The following CRHR2 variants were observed in gnomAD, a reference collection of about 807,000 sequenced individuals.
CRHR2 encodes the protein corticotropin-releasing hormone receptor 2.
Under a neutral mutation model 57.9 loss-of-function variants are expected in CRHR2, and 53 were observed. The observed-to-expected ratio is 0.92, with a 90% CI of 0.73 to 1.15. CRHR2 has a LOEUF of 1.15. Among genes scored for constraint, CRHR2 ranks in the 50% most tolerant of loss-of-function variants. The pLI is 0.00. For missense variants in CRHR2, 532 were observed against 542.6 expected, an observed-to-expected ratio of 0.98 and a Z score of 0.19; for synonymous variants, 213 against 220.9, an observed-to-expected ratio of 0.96 and a Z score of 0.32.
Position 30,667,402 on chromosome 7 carries a change from C to A in CRHR2, c.230-89G>T, listed in dbSNP as rs941877160. 5 of 1,011,658 alleles carry A rather than the reference C, an allele frequency of 4.9e-6. No homozygotes were observed. The East Asian group carries it at 1.2e-4, about 24-fold the overall frequency. 62.7% of individuals were successfully genotyped at this position (1,011,658 alleles called of 1,614,324 possible). ...CCTGGTGCCCACAGGATAAGGTGTA[C>A]GCACCTCAGCTCTCCTAGGGCAGCA... On this transcript the variant is annotated intron_variant, in intron 2 of 11. Transcript: ENST00000471646.
At chr7:30,671,843 AATGATG>A (rs769616381) in intron 2 of CRHR2, among the ~76,000 whole-genome samples, 1 of 100,750 alleles carries the variant, frequency 9.9e-6, no homozygotes, top group African/African-American at 3.4e-5. Flanking sequence ...TGATGATGAT[AATGATG>A]ATGATGATAG....
chr7:30,695,106 G>A (rs1454563027), intron 1 of CRHR2, among the ~76,000 whole-genome samples: 3 of 146,556 alleles, frequency 2.0e-5, no homozygotes, highest in African/African-American at 7.6e-5. Context: ...GGAGGACGAG[G>A]CAGTCAGGCC....
rs774729364 is a variant in CRHR2 at position 30,681,998 on chromosome 7, G to T, written c.146C>A (p.Thr49Lys). The change falls in exon 2 of 12, where the codon ACG becomes AAG. Residue 49 changes from threonine to lysine, a missense_variant. Coordinates refer to ENST00000471646, the MANE Select transcript of CRHR2 (RefSeq NM_001883.5). ...YCNTTLDQIGTCWPRSAAGAL... is the reference protein window; with the variant it reads ...YCNTTLDQIGKCWPRSAAGAL... Reference sequence around the variant, plus strand: ...TCCGGCAGCGCTGCGGGGCCAGCACGTTCCGATCTGGTCCAAGGTCGTGTT... The same window carrying T: ...TCCGGCAGCGCTGCGGGGCCAGCACTTTCCGATCTGGTCCAAGGTCGTGTT... The T allele has an allele frequency of 5.0e-6, 8 of 1,605,882 alleles. No homozygotes were observed. The South Asian group carries it at 8.9e-5, about 18-fold the overall frequency.
At chr7:30,668,959 A>G (rs1001958989) in intron 2 of CRHR2, among the ~76,000 whole-genome samples, 1 of 152,176 alleles carries the variant, frequency 6.6e-6, no homozygotes, top group African/African-American at 2.4e-5. Context: ...TTCCTTACCA[A>G]CATTCGTGCT....
intron 2 of CRHR2, among the ~76,000 whole-genome samples, chr7:30,674,879 A>C (rs1033539885): frequency 1.3e-5 from 2 of 151,256 alleles, no homozygotes; most frequent in South Asian, 2.1e-4. Flanking sequence ...GCCACCTTCA[A>C]CTCCCCTCCC....
At chr7:30,670,386 A>G (rs1185639321) in intron 2 of CRHR2, among the ~76,000 whole-genome samples, 3 of 152,250 alleles carry the variant, frequency 2.0e-5, no homozygotes, top group African/African-American at 7.2e-5. Flanking sequence ...GGGATAGACA[A>G]GTAAGTAGAA....
exon 1 of CRHR2, chr7:30,700,067 T>C: frequency 7.4e-7 from 1 of 1,351,586 alleles, no homozygotes; most frequent in Non-Finnish European, 9.6e-7. Context: ...GACTGGAGCC[T>C]GCTGCCCAGC....
intron 8 of CRHR2, among the ~76,000 whole-genome samples, chr7:30,658,797 T>C (rs757711103): frequency 2.6e-5 from 4 of 152,174 alleles, no homozygotes; most frequent in African/African-American, 9.7e-5. Flanking sequence ...CAGCAAGAAG[T>C]CAGGCTTCCT....
intron 1 of CRHR2, among the ~76,000 whole-genome samples, chr7:30,699,217 T>C (rs1562815011): frequency 6.6e-6 from 1 of 152,172 alleles, no homozygotes; most frequent in East Asian, 1.9e-4. Flanking sequence ...CCCTACTTCT[T>C]CAGCTCTCTT....
chr7:30,697,643 A>G (rs1785084277), intron 1 of CRHR2, among the ~76,000 whole-genome samples: 2 of 152,130 alleles, frequency 1.3e-5, no homozygotes, highest in Admixed American at 6.5e-5. Context: ...TTACAATTGC[A>G]GATCAGACCA....
At chr7:30,673,393 T>G (rs1784424109) in intron 2 of CRHR2, among the ~76,000 whole-genome samples, 1 of 152,002 alleles carries the variant, frequency 6.6e-6, no homozygotes, top group South Asian at 2.1e-4. Flanking sequence ...TTTTTTTGTT[T>G]GTTTTGTAGA....
At chr7:30,655,202 T>A in intron 10 of CRHR2, 122 bp from the exon 11 acceptor site, 1 of 1,116,380 alleles carries the variant, frequency 9.0e-7, no homozygotes, top group Non-Finnish European at 1.3e-6. Context: ...ACCCCTGGAG[T>A]CAGAGCTGGG....
rs533330997 is a variant in CRHR2, at chr7:30,652,046, A to T, written c.*1414T>A. On this transcript the variant is annotated 3_prime_UTR_variant, in exon 12 of 12. Transcript: ENST00000471646. This position sits in a 1 kb window ranked among gnomAD's most constrained non-coding sequence, Gnocchi z 4.4. ...TTAAAACTTAAGTAAAAAATACTAC[A>T]TGTCAACTTAAAAATGTGCAAGACG... is the stretch of plus-strand genomic sequence containing the variant. 18 of 150,904 alleles carry T rather than the reference A, an allele frequency of 1.2e-4. No homozygotes were observed. The highest frequency in any genetic ancestry group is 4.2e-4 in the African/African-American group (17 of 40,194). The allele number at this position is 150,904 out of a possible 1,614,324, so 9.3% of individuals were successfully genotyped here. A position where few individuals can be genotyped will look rare whatever the true frequency, so the allele number is the denominator to read the frequency against.
Position 30,665,676 on chromosome 7 carries a change from T to C in CRHR2, c.316-37A>G. 6.6e-7 allele frequency: 1 copy of C among 1,519,150 alleles called. No homozygotes were observed. The allele number at this position is 1,519,150 out of a possible 1,614,324, so 94.1% of individuals were successfully genotyped here. A position where few individuals can be genotyped will look rare whatever the true frequency, so the allele number is the denominator to read the frequency against. On this transcript the variant is annotated intron_variant, in intron 3 of 11. Transcript: ENST00000471646. The surrounding 1 kb of genome is among the most constrained non-coding windows in gnomAD (Gnocchi z 4.5). The stretch of plus-strand genomic sequence containing the variant: ...GACATGGGCAGGGCAGATGGAGGCA[T>C]GGGCACGTGGGGGTGGGGCTGGGTA...
intron 9 of CRHR2, 28 bp downstream of exon 9, chr7:30,655,899 T>C: frequency 6.2e-7 from 1 of 1,607,064 alleles, no homozygotes. Context: ...CTGTCCCCAT[T>C]GTGGGGTCAA....
chr7:30,666,298 G>T (rs555271422), intron 3 of CRHR2, among the ~76,000 whole-genome samples: 1 of 152,300 alleles, frequency 6.6e-6, no homozygotes, highest in Non-Finnish European at 1.5e-5. Context: ...ACACGAGGGG[G>T]TGCACTGTCT....
intron 2 of CRHR2, among the ~76,000 whole-genome samples, chr7:30,678,266 C>G (rs59852846): frequency 6.6e-6 from 1 of 152,208 alleles, no homozygotes; most frequent in Non-Finnish European, 1.5e-5. Context: ...TGTTCTGTTA[C>G]AAGTGACTTC....
At position 30,681,915 on chromosome 7, in the gene CRHR2, G is replaced by C; in HGVS notation, c.229C>G (p.Arg77Gly). 2 of 1,608,694 alleles carry C rather than the reference G, an allele frequency of 1.2e-6. No individual in the cohort carries two copies. Among genetic ancestry groups the C allele is most frequent in the Non-Finnish European group, 8.5e-7 (1 of 1,177,958 alleles). Residue 77 changes from arginine to glycine, a missense_variant and splice_region_variant, in exon 2 of 12, where the codon CGG (arginine) becomes GGG (glycine). Transcript: ENST00000471646. ...YFNGVKYNTT[R>G]NAYRECLENG... The stretch of plus-strand genomic sequence containing the variant: ...GGCAGCGAGGGCCGGGGGCACTCAC[G>C]GGTCGTGTTGTACTTGACGCCGTTG...
At chr7:30,689,914 G>A (rs1784927332) in intron 1 of CRHR2, among the ~76,000 whole-genome samples, 1 of 152,182 alleles carries the variant, frequency 6.6e-6, no homozygotes, top group African/African-American at 2.4e-5. Context: ...TAGCATTTTG[G>A]GGCACCCAGA....
Sources: allele counts gnomAD v4.1 joint callset (sites outside exome capture counted in the v4.1 genomes callset), GRCh38; gene constraint gnomAD v4.1.1; non-coding constraint Gnocchi (gnomAD v3.1); transcripts MANE v1.5; gene names NCBI Gene and HGNC (gene_info 2026-07-23, HGNC 2026-07-21).